Variants in DCC observed in about 807,000 individuals in gnomAD.
DCC encodes the protein netrin receptor DCC.
DCC carries 58 observed loss-of-function variants against 172.5 expected under a neutral mutation model. That is an observed-to-expected ratio of 0.34 (90% CI 0.27 to 0.42). DCC has a LOEUF of 0.42. DCC is among the 10% of genes least tolerant of loss of function. The probability of loss-of-function intolerance (pLI) is 1.00; values close to 1 mark genes in which losing one functional copy is unlikely to be tolerated. For synonymous variants in DCC, 709 were observed against 644.5 expected (o/e 1.10, Z -1.52); for missense variants, 1,740 against 1,791.0 (o/e 0.97, Z 0.51).
At chr18:52,854,381 A>C (rs1162062303) in intron 2 of DCC, among the ~76,000 whole-genome samples, 1 of 152,124 alleles carries the variant, frequency 6.6e-6, no homozygotes, top group Non-Finnish European at 1.5e-5. Context: ...CGAGATGGGG[A>C]AGATGGAGAT....
At chr18:53,471,232 A>T (rs908013329) in intron 25 of DCC, among the ~76,000 whole-genome samples, 7 of 152,238 alleles carry the variant, frequency 4.6e-5, no homozygotes, top group East Asian at 1.9e-4. Context: ...TGATACAAGC[A>T]TGCAATATGT....
chr18:53,086,009 T>TATTATTATTATTATTATTATTATA (rs1599113268), intron 7 of DCC, among the ~76,000 whole-genome samples: 2 of 25,148 alleles, frequency 8.0e-5, no homozygotes, highest in Non-Finnish European at 7.2e-5. Flanking sequence ...TTCTTCTCCT[T>TATTATTATTATTATTATTATTATA]CTCCTTCTCC....
At chr18:53,126,541 G>T (rs766615899) in intron 7 of DCC, among the ~76,000 whole-genome samples, 1 of 152,138 alleles carries the variant, frequency 6.6e-6, no homozygotes, top group East Asian at 1.9e-4. Flanking sequence ...ACAGTTGGGG[G>T]AAAGTGGAGC....
intron 7 of DCC, among the ~76,000 whole-genome samples, chr18:53,152,020 G>T (rs917940673): frequency 1.3e-5 from 2 of 152,224 alleles, no homozygotes; most frequent in South Asian, 4.1e-4. Context: ...AAGGAGAAAT[G>T]ATAGTTGTTT....
intron 1 of DCC, among the ~76,000 whole-genome samples, chr18:52,507,281 A>C (rs1191736280): frequency 6.6e-6 from 1 of 152,162 alleles, no homozygotes; most frequent in East Asian, 1.9e-4. Context: ...GAACAGGACT[A>C]AGATGTTATT....
intron 2 of DCC, among the ~76,000 whole-genome samples, chr18:52,899,077 G>T (rs1482877004): frequency 6.6e-6 from 1 of 152,130 alleles, no homozygotes; most frequent in East Asian, 1.9e-4. Flanking sequence ...CTCTTCAAAT[G>T]AAAGGATTTA....
rs370038462 is a variant in DCC at position 52,693,814 on chromosome 18, G to A, written c.92-58240G>A. Among the ~76,000 whole-genome samples, 15 of 152,190 alleles carry A rather than the reference G, an allele frequency of 9.9e-5. No individual in the cohort carries two copies. In the East Asian group the frequency reaches 1.5e-3, roughly 16 times the overall value. On this transcript the variant is annotated intron_variant, in intron 1 of 28. Transcript: ENST00000442544. ...TGAAACAAATCTGAGCAACAAAATA[G>A]GATGGGATTGGATTACAATTCACAA...
chr18:52,728,320 T>C (rs2145089314), intron 1 of DCC, among the ~76,000 whole-genome samples: 1 of 152,320 alleles, frequency 6.6e-6, no homozygotes, highest in Non-Finnish European at 1.5e-5. Flanking sequence ...AAGTTCTTTA[T>C]CTTTTCAGAG....
intron 1 of DCC, among the ~76,000 whole-genome samples, chr18:52,585,636 G>A (rs2033651458): frequency 6.6e-6 from 1 of 152,136 alleles, no homozygotes. Context: ...TTCTTTGGTG[G>A]ACATGTATGT....
intron 27 of DCC, among the ~76,000 whole-genome samples, chr18:53,507,755 C>G (rs2046199103): frequency 6.6e-6 from 1 of 152,116 alleles, no homozygotes; most frequent in Non-Finnish European, 1.5e-5. Flanking sequence ...CTTATAGTGA[C>G]TGCTATTTTT....
At chr18:52,956,212 A>G (rs751926501) in intron 5 of DCC, among the ~76,000 whole-genome samples, 17 of 151,970 alleles carry the variant, frequency 1.1e-4, no homozygotes, top group Non-Finnish European at 2.1e-4. Context: ...ATTTAGATCT[A>G]TGATCTATTT....
chr18:53,328,029 G>A (rs997334863), intron 14 of DCC, among the ~76,000 whole-genome samples: 1 of 152,084 alleles, frequency 6.6e-6, no homozygotes, highest in African/African-American at 2.4e-5. Flanking sequence ...TTACACATAA[G>A]GAGCATAGCA....
intron 1 of DCC, among the ~76,000 whole-genome samples, chr18:52,569,275 CTAGGTGTA>C (rs1598920378): frequency 6.6e-6 from 1 of 152,292 alleles, no homozygotes; most frequent in East Asian, 1.9e-4. Flanking sequence ...TTGTCGCTTG[CTAGGTGTA>C]TAGATTTGCA....
chr18:52,811,893 A>G (rs1176268657), intron 2 of DCC, among the ~76,000 whole-genome samples: 1 of 152,188 alleles, frequency 6.6e-6, no homozygotes, highest in Non-Finnish European at 1.5e-5. Context: ...CAGCCCAAAC[A>G]AAATTTCGGT....
chr18:52,575,874 G>C (rs1311489032), intron 1 of DCC, among the ~76,000 whole-genome samples: 3 of 152,106 alleles, frequency 2.0e-5, no homozygotes, highest in Non-Finnish European at 4.4e-5. Context: ...ATTGAGGAAA[G>C]GTGCTAAGGT....
rs73463036 is a variant in DCC at position 53,263,735 on chromosome 18, A to G, written c.1912-41843A>G. The stretch of plus-strand genomic sequence containing the variant: ...ATTATAATATTTAAAATACATGTCA[A>G]TCATATACTTACTGGAATTAGATAC... On this transcript the variant is annotated intron_variant, in intron 12 of 28. Transcript: ENST00000442544. Among the ~76,000 whole-genome samples the G allele has an allele frequency of 1.3e-3, 199 of 152,120 alleles. 1 individual carries two copies. Among genetic ancestry groups the G allele is most frequent in the African/African-American group, 4.7e-3 (194 of 41,556 alleles).
chr18:52,823,867 G>A (rs2038455885), intron 2 of DCC, among the ~76,000 whole-genome samples: 1 of 152,120 alleles, frequency 6.6e-6, no homozygotes, highest in African/African-American at 2.4e-5. Flanking sequence ...TATGTCCAGG[G>A]AACAACACGT....
intron 2 of DCC, among the ~76,000 whole-genome samples, chr18:52,862,482 C>G (rs1689844801): frequency 6.6e-6 from 1 of 152,046 alleles, no homozygotes; most frequent in East Asian, 1.9e-4. Context: ...GCAGGTGGAT[C>G]ACCTGAGATC....
chr18:53,030,448 T>C (rs1323982653), intron 5 of DCC, among the ~76,000 whole-genome samples: 1 of 151,958 alleles, frequency 6.6e-6, no homozygotes, highest in East Asian at 1.9e-4. Context: ...TCTATTTTAG[T>C]ATTCTATCTA....
Sources: gnomAD v4.1 joint callset for allele counts (sites outside exome capture counted in the v4.1 genomes callset) on GRCh38, gnomAD v4.1.1 for gene constraint, MANE v1.5 for transcripts, NCBI Gene and HGNC (gene_info 2026-07-23, HGNC 2026-07-21) for gene names.